Variants in FMNL2 observed in about 807,000 individuals in gnomAD.
The protein encoded by FMNL2 is formin like 2, also known as formin-like protein 2.
Under a neutral mutation model 130.2 loss-of-function variants are expected in FMNL2, and 51 were observed. The ratio of observed to expected loss-of-function variants is 0.39; its 90% confidence interval spans 0.31 to 0.49. The LOEUF (loss-of-function observed/expected upper bound fraction) is 0.49. FMNL2 is among the 20% of genes least tolerant of loss of function. The pLI, the probability that FMNL2 is intolerant of heterozygous loss-of-function variation, is 0.85. For missense variants in FMNL2, 977 were observed against 1,316.2 expected (o/e 0.74, Z 3.99); for synonymous variants, 465 against 467.1 (o/e 1.00, Z 0.06).
chr2:152,521,529 A>C (rs1027313137), intron 1 of FMNL2, among the ~76,000 whole-genome samples: 1 of 152,008 alleles, frequency 6.6e-6, no homozygotes, highest in Non-Finnish European at 1.5e-5. Flanking sequence ...AGTGAGTATA[A>C]TTTGAATCTA....
intron 12 of FMNL2, among the ~76,000 whole-genome samples, chr2:152,616,333 T>TG (rs1314794822): frequency 2.1e-4 from 30 of 144,884 alleles, no homozygotes; most frequent in African/African-American, 7.4e-4. Context: ...GTGGGTTTTT[T>TG]TTTTTTTTTT....
chr2:152,502,441 C>T (rs1691897828), intron 1 of FMNL2, among the ~76,000 whole-genome samples: 1 of 152,226 alleles, frequency 6.6e-6, no homozygotes, highest in African/African-American at 2.4e-5. Flanking sequence ...AATTCCAGCA[C>T]TTTGGGAGGC....
chr2:152,403,714 A>G lies in FMNL2; in HGVS notation c.117+67994A>G, dbSNP rs375732875. 6.6e-5 allele frequency among the ~76,000 whole-genome samples: 10 copies of G among 152,292 alleles called. No individual in the cohort carries two copies. In the East Asian group the frequency reaches 1.5e-3, roughly 24 times the overall value. Reference sequence around the variant, plus strand: ...GTTTTGGTCTCAGCTCTGCTGCCCAATTCACGTCACCTTTGTGACCCTGTT... The same window carrying G: ...GTTTTGGTCTCAGCTCTGCTGCCCAGTTCACGTCACCTTTGTGACCCTGTT... On this transcript the variant is annotated intron_variant, in intron 1 of 25. Coordinates refer to ENST00000288670, the MANE Select transcript of FMNL2 (RefSeq NM_052905.4).
chr2:152,578,973 CT>C lies in FMNL2; in HGVS notation c.782+13del. ...AACAACAAGAATCCCAGGTAAGCTG[CT>C]TTTGTAGTACGCAAGTCTAAATCTA... On this transcript the variant is annotated intron_variant, in intron 8 of 25. Transcript: ENST00000288670. The C allele has an allele frequency of 6.2e-7, 1 of 1,609,800 alleles. No homozygotes were observed. Among genetic ancestry groups the C allele is most frequent in the Non-Finnish European group, 8.5e-7 (1 of 1,176,918 alleles).
chr2:152,512,022 T>G (rs142529626), intron 1 of FMNL2, among the ~76,000 whole-genome samples: 48 of 152,294 alleles, frequency 3.2e-4, no homozygotes, highest in African/African-American at 1.1e-3. Flanking sequence ...TCGATGCATT[T>G]TGGTCTGTGC....
At chr2:152,387,350 C>T (rs567052865) in intron 1 of FMNL2, among the ~76,000 whole-genome samples, 2 of 152,320 alleles carry the variant, frequency 1.3e-5, no homozygotes, top group African/African-American at 2.4e-5. Flanking sequence ...CAGGGCCTTG[C>T]TTTGTAGTAG....
At chr2:152,400,253 G>A (rs1487076047) in intron 1 of FMNL2, among the ~76,000 whole-genome samples, 2 of 152,102 alleles carry the variant, frequency 1.3e-5, no homozygotes, top group East Asian at 1.9e-4. Context: ...CCAACATGGC[G>A]AAACTCCGTC....
chr2:152,338,863 A>G (rs1392044656), intron 1 of FMNL2, among the ~76,000 whole-genome samples: 3 of 152,042 alleles, frequency 2.0e-5, no homozygotes, highest in African/African-American at 7.2e-5. Context: ...ATATATGCAT[A>G]TGCCTTTGTG....
intron 1 of FMNL2, among the ~76,000 whole-genome samples, chr2:152,437,256 A>G (rs961703100): frequency 3.3e-5 from 5 of 152,166 alleles, no homozygotes; most frequent in African/African-American, 4.8e-5. Flanking sequence ...CATTCACTCC[A>G]TAGCAGATGA....
intron 1 of FMNL2, among the ~76,000 whole-genome samples, chr2:152,350,535 T>C (rs1682420303): frequency 6.6e-6 from 1 of 152,224 alleles, no homozygotes; most frequent in African/African-American, 2.4e-5. Flanking sequence ...CAGTGTGAGC[T>C]GTGCCCTAAA....
At chr2:152,436,643 G>A (rs1687783639) in intron 1 of FMNL2, among the ~76,000 whole-genome samples, 1 of 152,156 alleles carries the variant, frequency 6.6e-6, no homozygotes. Flanking sequence ...ATGAAAAAGA[G>A]AGGATGAAAA....
At chr2:152,497,142 T>C (rs1273179931) in intron 1 of FMNL2, among the ~76,000 whole-genome samples, 1 of 152,198 alleles carries the variant, frequency 6.6e-6, no homozygotes, top group East Asian at 1.9e-4. Flanking sequence ...GGGTTCATTC[T>C]CACTTTCCCC....
At chr2:152,647,470 C>CA in intron 25 of FMNL2, among the ~76,000 whole-genome samples, 1 of 152,090 alleles carries the variant, frequency 6.6e-6, no homozygotes, top group South Asian at 2.1e-4. Context: ...AAAAACAAAA[C>CA]AAAAAAATTA....
intron 9 of FMNL2, among the ~76,000 whole-genome samples, chr2:152,599,488 G>A (rs1697944211): frequency 7.8e-6 from 1 of 128,470 alleles, no homozygotes; most frequent in Non-Finnish European, 1.6e-5. Context: ...GCGTCAATGA[G>A]TCGTCCTTTG....
At chr2:152,566,808 ACAG>A (rs1319755735) in intron 6 of FMNL2, among the ~76,000 whole-genome samples, 1 of 152,204 alleles carries the variant, frequency 6.6e-6, no homozygotes, top group Non-Finnish European at 1.5e-5. Flanking sequence ...GTGAGAGTAA[ACAG>A]CAGAACCTAG....
chr2:152,422,524 G>A (rs1372900481), intron 1 of FMNL2, among the ~76,000 whole-genome samples: 1 of 151,886 alleles, frequency 6.6e-6, no homozygotes, highest in Non-Finnish European at 1.5e-5. Context: ...TGATTTTTTT[G>A]TGGGGGAGTT....
At chr2:152,571,034 C>G (rs776199923) in intron 6 of FMNL2, among the ~76,000 whole-genome samples, 2 of 152,196 alleles carry the variant, frequency 1.3e-5, no homozygotes, top group Non-Finnish European at 2.9e-5. Context: ...AACTTGTTCT[C>G]ATTCCCATCC....
chr2:152,645,847 T>C (rs1683506412), intron 25 of FMNL2, among the ~76,000 whole-genome samples: 1 of 152,202 alleles, frequency 6.6e-6, no homozygotes, highest in Non-Finnish European at 1.5e-5. Context: ...AAGCAGGTCC[T>C]GGCCAGGTAA....
intron 1 of FMNL2, among the ~76,000 whole-genome samples, chr2:152,511,140 T>C (rs1015031755): frequency 1.3e-5 from 2 of 152,170 alleles, no homozygotes; most frequent in African/African-American, 4.8e-5. Flanking sequence ...CTGATTTCCA[T>C]AGTAGGTGTA....
Sources: allele counts gnomAD v4.1 joint callset (sites outside exome capture counted in the v4.1 genomes callset), GRCh38; gene constraint gnomAD v4.1.1; transcripts MANE v1.5; gene names NCBI Gene and HGNC (gene_info 2026-07-23, HGNC 2026-07-21).